IL1RAPL1: variants seen among roughly 807,000 people sequenced by gnomAD.
IL1RAPL1 encodes interleukin-1 receptor accessory protein-like 1.
Under a neutral mutation model 48.4 loss-of-function variants are expected in IL1RAPL1, and 3 were observed. That is an observed-to-expected ratio of 0.06 (90% CI 0.03 to 0.16). The LOEUF (loss-of-function observed/expected upper bound fraction) is 0.16, where lower values mean the gene tolerates loss of function less well. Ranked by LOEUF, IL1RAPL1 falls within the 10% of genes least tolerant of loss-of-function variation. IL1RAPL1 has a pLI of 1.00. For missense variants in IL1RAPL1, 349 were observed against 530.6 expected (o/e 0.66, Z 3.36); for synonymous variants, 185 against 187.7 (o/e 0.99, Z 0.12).
chrX:28,892,522 A>C (rs1262195636), intron 2 of IL1RAPL1, among the ~76,000 whole-genome samples: 3 of 111,403 alleles, frequency 2.7e-5, no homozygotes, highest in Non-Finnish European at 5.6e-5. Flanking sequence ...CCGGATGTAT[A>C]TGTGTAGGTC....
intron 3 of IL1RAPL1, among the ~76,000 whole-genome samples, chrX:29,306,860 CAAAAA>C (rs1168897352): frequency 5.7e-3 from 163 of 28,695 alleles, no homozygotes; most frequent in African/African-American, 0.02. Context: ...GACTCTGTCT[CAAAAA>C]AAAAAAAAAA....
intron 6 of IL1RAPL1, among the ~76,000 whole-genome samples, chrX:29,838,107 GGGGTGA>G (rs2147191999): frequency 9.0e-6 from 1 of 111,505 alleles, no homozygotes; most frequent in African/African-American, 3.3e-5. Flanking sequence ...AAGTCTGTTT[GGGGTGA>G]CCTCTTGAGT....
chrX:29,561,920 G>T (rs746064831), intron 5 of IL1RAPL1, among the ~76,000 whole-genome samples: 17 of 111,530 alleles, frequency 1.5e-4, no homozygotes, highest in African/African-American at 5.5e-4. Flanking sequence ...CTTCTTTAAT[G>T]ATGTAGTTAC....
At chrX:29,071,720 C>A (rs2147440968) in intron 2 of IL1RAPL1, among the ~76,000 whole-genome samples, 1 of 111,415 alleles carries the variant, frequency 9.0e-6, no homozygotes, top group East Asian at 2.8e-4. Flanking sequence ...TCCTTTATGA[C>A]AGATGGTTTT....
chrX:28,591,536 G>A (rs1244228799), intron 1 of IL1RAPL1, among the ~76,000 whole-genome samples: 1 of 112,228 alleles, frequency 8.9e-6, no homozygotes, highest in East Asian at 2.8e-4. Context: ...CAAAACAAGT[G>A]TTGATTATTG....
chrX:29,311,929 G>A (rs1425483255), intron 3 of IL1RAPL1, among the ~76,000 whole-genome samples: 1 of 111,699 alleles, frequency 9.0e-6, no homozygotes, highest in Non-Finnish European at 1.9e-5. Context: ...CATCTAATGA[G>A]CTAGGGGCTT....
chrX:29,492,385 G>C (rs945278357), intron 5 of IL1RAPL1, among the ~76,000 whole-genome samples: 1 of 111,973 alleles, frequency 8.9e-6, no homozygotes, highest in Non-Finnish European at 1.9e-5. Context: ...TAGTTCCATA[G>C]GTCAGAAACC....
chrX:28,905,038 G>A (rs1284653729), intron 2 of IL1RAPL1, among the ~76,000 whole-genome samples: 2 of 110,760 alleles, frequency 1.8e-5, no homozygotes, highest in African/African-American at 6.5e-5. Context: ...TGAAGTTTAT[G>A]TTTTTCTTAC....
At chrX:29,453,675 C>T (rs1420984215) in intron 5 of IL1RAPL1, among the ~76,000 whole-genome samples, 1 of 111,391 alleles carries the variant, frequency 9.0e-6, no homozygotes, top group East Asian at 2.8e-4. Context: ...CTAGGCCCTA[C>T]CTTCGGAGAC....
chrX:29,352,931 T>A (rs1933252808), intron 3 of IL1RAPL1, among the ~76,000 whole-genome samples: 1 of 111,899 alleles, frequency 8.9e-6, no homozygotes, highest in African/African-American at 3.2e-5. Context: ...ATTTTATATT[T>A]AACATTTCAA....
chrX:29,223,514 T>C (rs1931021950), intron 2 of IL1RAPL1, among the ~76,000 whole-genome samples: 1 of 110,226 alleles, frequency 9.1e-6, no homozygotes, highest in Admixed American at 9.7e-5. Context: ...AATAAAGAAT[T>C]ACATGTTACT....
At chrX:29,818,948 A>G (rs891149451) in intron 6 of IL1RAPL1, among the ~76,000 whole-genome samples, 33 of 112,134 alleles carry the variant, frequency 2.9e-4, no homozygotes, top group African/African-American at 1.0e-3. Flanking sequence ...AACCGTGGCT[A>G]ATTCTTCAAG....
intron 6 of IL1RAPL1, among the ~76,000 whole-genome samples, chrX:29,910,213 G>T (rs950021971): frequency 2.7e-5 from 3 of 110,426 alleles, no homozygotes; most frequent in African/African-American, 9.9e-5. Flanking sequence ...CACAATACAG[G>T]TATACTTGAG....
At chrX:28,595,908 G>T (rs1191053203) in intron 1 of IL1RAPL1, among the ~76,000 whole-genome samples, 1 of 111,305 alleles carries the variant, frequency 9.0e-6, no homozygotes, top group Non-Finnish European at 1.9e-5. Flanking sequence ...ATGCATTCAA[G>T]GGATCTCTAG....
At chrX:29,120,500 T>A (rs780132752) in intron 2 of IL1RAPL1, among the ~76,000 whole-genome samples, 1 of 111,788 alleles carries the variant, frequency 8.9e-6, no homozygotes, top group African/African-American at 3.2e-5. Context: ...TTGGTTTATA[T>A]GTTGGGTTTT....
intron 6 of IL1RAPL1, among the ~76,000 whole-genome samples, chrX:29,913,722 T>C (rs747129313): frequency 3.1e-3 from 342 of 111,363 alleles, no homozygotes; most frequent in Non-Finnish European, 5.2e-3. Flanking sequence ...AGTAAGATTG[T>C]TCTCTTTAGA....
At chrX:28,767,641 G>A (rs780020713) in intron 1 of IL1RAPL1, among the ~76,000 whole-genome samples, 4 of 110,430 alleles carry the variant, frequency 3.6e-5, no homozygotes, top group South Asian at 3.8e-4. Context: ...GTGCATGTGC[G>A]TGTGTGTCTG....
chrX:29,527,617 G>A (rs1935568479), intron 5 of IL1RAPL1, among the ~76,000 whole-genome samples: 1 of 110,334 alleles, frequency 9.1e-6, no homozygotes, highest in Non-Finnish European at 1.9e-5. Context: ...GAGCCGCTGT[G>A]CCTGGCTGGG....
intron 6 of IL1RAPL1, among the ~76,000 whole-genome samples, chrX:29,690,356 G>A (rs187441257): frequency 9.0e-4 from 101 of 111,896 alleles, no homozygotes; most frequent in African/African-American, 3.1e-3. Context: ...AAGTAACAAA[G>A]GAAGTCAGAT....
Sources: allele counts gnomAD v4.1 joint callset (sites outside exome capture counted in the v4.1 genomes callset), GRCh38; gene constraint gnomAD v4.1.1; transcripts MANE v1.5; gene names NCBI Gene and HGNC (gene_info 2026-07-23, HGNC 2026-07-21).